FGGY: variants seen among roughly 807,000 people sequenced by gnomAD.
FGGY encodes FGGY carbohydrate kinase domain-containing protein.
A neutral mutation model predicts 71.3 loss-of-function variants in FGGY; 72 were observed. The ratio of observed to expected loss-of-function variants is 1.01; its 90% CI spans 0.84 to 1.23. The LOEUF is 1.23. Ranked by LOEUF, FGGY falls within the 50% of genes most tolerant of loss-of-function variation. FGGY has a pLI of 0.00. For synonymous variants in FGGY, 251 were observed against 250.3 expected (o/e 1.00, Z -0.02); for missense variants, 668 against 682.3 (o/e 0.98, Z 0.23).
intron 12 of FGGY, among the ~76,000 whole-genome samples, chr1:59,664,592 T>A (rs1263465229): frequency 6.6e-6 from 1 of 152,264 alleles, no homozygotes; most frequent in Non-Finnish European, 1.5e-5. Flanking sequence ...ACAGCAATTC[T>A]CCCATTCCAT....
At chr1:59,546,526 G>GATTATTATTATTATT (rs1491446340) in intron 7 of FGGY, among the ~76,000 whole-genome samples, 17 of 89,196 alleles carry the variant, frequency 1.9e-4, no homozygotes, top group African/African-American at 9.9e-4. Flanking sequence ...TGATGATGAT[G>GATTATTATTATTATT]ATGATGATGA....
rs185665025 is a variant in FGGY at position 59,434,786 on chromosome 1, C to T, written c.555-22175C>T. Among the ~76,000 whole-genome samples, 25 of 152,156 alleles carry T rather than the reference C, an allele frequency of 1.6e-4. 1 individual carries two copies. In the South Asian group the frequency reaches 2.9e-3, roughly 18 times the overall value. The stretch of plus-strand genomic sequence containing the variant: ...TCATGACCTAATCACCTCCCAAAGC[C>T]CCCCCCACCTCCAAATACCATCACC... On this transcript the variant is annotated intron_variant, in intron 5 of 15. Coordinates refer to ENST00000303721, the MANE Select transcript of FGGY (RefSeq NM_018291.5).
chr1:59,419,440 G>A (rs2065038493), intron 5 of FGGY, among the ~76,000 whole-genome samples: 1 of 152,162 alleles, frequency 6.6e-6, no homozygotes, highest in Non-Finnish European at 1.5e-5. Flanking sequence ...GTAAAAAGCA[G>A]TATTGATTTA....
chr1:59,701,961 C>T (rs2097712976), intron 14 of FGGY, among the ~76,000 whole-genome samples: 1 of 152,070 alleles, frequency 6.6e-6, no homozygotes, highest in Non-Finnish European at 1.5e-5. Context: ...AAAGATACTA[C>T]CTGAGACTGA....
chr1:59,349,869 C>A (rs1010820432), intron 4 of FGGY, among the ~76,000 whole-genome samples: 3 of 152,130 alleles, frequency 2.0e-5, no homozygotes, highest in African/African-American at 7.2e-5. Flanking sequence ...GATTCAGTAG[C>A]TTTGGGATAG....
chr1:59,596,500 G>A (rs1393251204), intron 8 of FGGY, among the ~76,000 whole-genome samples: 1 of 149,402 alleles, frequency 6.7e-6, no homozygotes. Context: ...ATATGGACTT[G>A]TGAGTCAGAT....
At chr1:59,377,760 A>G (rs2058848741) in intron 4 of FGGY, among the ~76,000 whole-genome samples, 1 of 152,144 alleles carries the variant, frequency 6.6e-6, no homozygotes, top group African/African-American at 2.4e-5. Context: ...CAAATGAGGA[A>G]GGGGATGATG....
intron 5 of FGGY, among the ~76,000 whole-genome samples, chr1:59,409,944 A>G (rs557553438): frequency 7.4e-4 from 113 of 152,280 alleles, no homozygotes; most frequent in African/African-American, 2.6e-3. Context: ...TCCCTGCAAT[A>G]CAGAGGGTTA....
chr1:59,759,105 T>G (rs926743740), intron 15 of FGGY, among the ~76,000 whole-genome samples: 1 of 152,196 alleles, frequency 6.6e-6, no homozygotes, highest in Non-Finnish European at 1.5e-5. Flanking sequence ...GGAAGTGCTT[T>G]TATAATTTTA....
chr1:59,422,002 G>A (rs575397223), intron 5 of FGGY, among the ~76,000 whole-genome samples: 5 of 152,320 alleles, frequency 3.3e-5, no homozygotes, highest in Non-Finnish European at 5.9e-5. Flanking sequence ...CTTTGAGAGT[G>A]TGCTGTGATA....
chr1:59,722,654 G>A (rs1933211), intron 14 of FGGY, among the ~76,000 whole-genome samples: 102,667 of 152,106 alleles, frequency 0.67, 34,835 homozygotes, highest in Admixed American at 0.75. Flanking sequence ...ACATAATCCC[G>A]TAATTGTGTG....
chr1:59,415,130 C>T (rs935893416), intron 5 of FGGY, among the ~76,000 whole-genome samples: 7 of 152,070 alleles, frequency 4.6e-5, no homozygotes, highest in African/African-American at 1.4e-4. Flanking sequence ...CAGCAGGCAC[C>T]GATTTCTTTG....
rs114636892 is a variant in FGGY at position 59,488,957 on chromosome 1, T to C, written c.671-23354T>C. 4.7e-3 allele frequency among the ~76,000 whole-genome samples: 713 copies of C among 152,240 alleles called. 5 individuals are homozygous for C. The highest frequency in any genetic ancestry group is 0.016 in the African/African-American group (649 of 41,584). Reference sequence around the variant, plus strand: ...GCAATGGAAAATAGCATGTCCTTTCTGTTTTAATTTCTATCTTATTAACTC... The same window carrying C: ...GCAATGGAAAATAGCATGTCCTTTCCGTTTTAATTTCTATCTTATTAACTC... On this transcript the variant is annotated intron_variant, in intron 6 of 15. Coordinates refer to ENST00000303721, the MANE Select transcript of FGGY (RefSeq NM_018291.5).
At chr1:59,402,465 C>T (rs1190593917) in intron 5 of FGGY, among the ~76,000 whole-genome samples, 6 of 152,148 alleles carry the variant, frequency 3.9e-5, no homozygotes, top group South Asian at 4.1e-4. Context: ...TGATAGTAGG[C>T]GTGTCATCTG....
At chr1:59,559,283 GT>G (rs1270572002) in intron 8 of FGGY, among the ~76,000 whole-genome samples, 2 of 152,108 alleles carry the variant, frequency 1.3e-5, no homozygotes, top group Non-Finnish European at 2.9e-5. Context: ...AAAGATTGGC[GT>G]AAGAAATTAT....
chr1:59,676,474 A>C (rs966455636), intron 14 of FGGY, among the ~76,000 whole-genome samples: 1 of 151,536 alleles, frequency 6.6e-6, no homozygotes, highest in Non-Finnish European at 1.5e-5. Context: ...ATAGCCTTTC[A>C]AGATGAGGCT....
intron 6 of FGGY, among the ~76,000 whole-genome samples, chr1:59,493,452 CAT>C (rs780075209): frequency 3.9e-5 from 6 of 152,018 alleles, no homozygotes; most frequent in Non-Finnish European, 7.4e-5. Flanking sequence ...TATGATTCAG[CAT>C]TAAAAAGGGA....
chr1:59,413,232 G>A (rs1000493633), intron 5 of FGGY, among the ~76,000 whole-genome samples: 3 of 152,260 alleles, frequency 2.0e-5, no homozygotes, highest in South Asian at 4.1e-4. Context: ...GTCAGTGTAC[G>A]CCTTAGAATT....
chr1:59,437,816 T>G (rs2068808249), intron 5 of FGGY, among the ~76,000 whole-genome samples: 1 of 152,224 alleles, frequency 6.6e-6, no homozygotes, highest in South Asian at 2.1e-4. Context: ...ACTAACTGTT[T>G]TGAGGGAATC....
Sources: allele counts gnomAD v4.1 joint callset (sites outside exome capture counted in the v4.1 genomes callset), GRCh38; gene constraint gnomAD v4.1.1; transcripts MANE v1.5; gene names NCBI Gene and HGNC (gene_info 2026-07-23, HGNC 2026-07-21).